Variants in GLUD1 observed in about 807,000 individuals in gnomAD.
GLUD1 encodes the protein glutamate dehydrogenase 1, mitochondrial.
A neutral mutation model predicts 56.0 loss-of-function variants in GLUD1; 22 were observed. The observed-to-expected ratio is 0.39, with a 90% CI of 0.28 to 0.56. The LOEUF (loss-of-function observed/expected upper bound fraction) is 0.56. Among genes scored for constraint, GLUD1 ranks in the 20% least tolerant of loss-of-function variants. GLUD1 has a pLI of 0.58. For missense variants in GLUD1, 451 were observed against 732.0 expected (o/e 0.62, Z 4.43); for synonymous variants, 223 against 269.9 (o/e 0.83, Z 1.70).
At chr10:87,062,050 G>A (rs1420129842) in intron 6 of GLUD1, among the ~76,000 whole-genome samples, 1 of 152,162 alleles carries the variant, frequency 6.6e-6, no homozygotes, top group Admixed American at 6.5e-5. Flanking sequence ...CCAAAGTGAT[G>A]GGATTACAGG....
chr10:87,065,389 G>A (rs1055406318), intron 5 of GLUD1, among the ~76,000 whole-genome samples: 3 of 151,866 alleles, frequency 2.0e-5, no homozygotes, highest in African/African-American at 7.3e-5. Context: ...TTACAGGCGT[G>A]AGCCACTATG....
chr10:87,060,573 G>A (rs909310506), intron 8 of GLUD1, 115 bp downstream of exon 8: 4 of 1,233,816 alleles, frequency 3.2e-6, no homozygotes, highest in Non-Finnish European at 4.8e-6. Context: ...GGTATGTGCA[G>A]TATGTGCCAA....
intron 1 of GLUD1, among the ~76,000 whole-genome samples, chr10:87,077,001 G>A (rs148426787): frequency 1.7e-3 from 250 of 151,268 alleles, no homozygotes; most frequent in Non-Finnish European, 3.0e-3. Context: ...AAGAATTCAG[G>A]TTGCTTTTTT....
chr10:87,086,099 C>T (rs1841374709), intron 1 of GLUD1, among the ~76,000 whole-genome samples: 1 of 152,148 alleles, frequency 6.6e-6, no homozygotes, highest in Non-Finnish European at 1.5e-5. Flanking sequence ...TGAGATGGGT[C>T]TTAAGAGAGG....
At chr10:87,064,004 G>C (rs570485811) in intron 5 of GLUD1, among the ~76,000 whole-genome samples, 7 of 151,902 alleles carry the variant, frequency 4.6e-5, no homozygotes, top group Admixed American at 1.3e-4. Context: ...TCAGCCTCCC[G>C]ATAGCTGGGA....
intron 11 of GLUD1, among the ~76,000 whole-genome samples, chr10:87,055,591 A>C (rs932413684): frequency 2.0e-5 from 3 of 152,134 alleles, no homozygotes; most frequent in African/African-American, 7.2e-5. Context: ...AGACTTTCAG[A>C]GAGAGCCACA....
At chr10:87,063,586 C>T (rs181067810) in intron 5 of GLUD1, among the ~76,000 whole-genome samples, 18 of 152,248 alleles carry the variant, frequency 1.2e-4, no homozygotes, top group Non-Finnish European at 2.4e-4. Context: ...AAAACAGAGC[C>T]TGAGACAGGA....
rs1845602548 is a variant in GLUD1 at position 87,050,439 on chromosome 10, T to C, written c.*1312A>G. The stretch of plus-strand genomic sequence containing the variant: ...AATCCAATTGCAGTATTATAACTTA[T>C]GAAAAGAGAAACTACCACATGTAAA... On this transcript the variant is annotated 3_prime_UTR_variant, in exon 13 of 13. Coordinates refer to ENST00000277865, the MANE Select transcript of GLUD1 (RefSeq NM_005271.5). The C allele has an allele frequency of 6.6e-6, 1 of 151,958 alleles. No individual in the cohort carries two copies. The highest frequency in any genetic ancestry group is 2.4e-5 in the African/African-American group (1 of 41,370). The allele number at this position is 151,958 out of a possible 1,614,324, so 9.4% of individuals were successfully genotyped here. A position where few individuals can be genotyped will look rare whatever the true frequency, so the allele number is the denominator to read the frequency against.
At chr10:87,058,148 G>A (rs769059165) in intron 10 of GLUD1, among the ~76,000 whole-genome samples, 1 of 152,178 alleles carries the variant, frequency 6.6e-6, no homozygotes, top group Non-Finnish European at 1.5e-5. Context: ...GATTACAGGC[G>A]TGAGCCACTG....
chr10:87,057,802 G>C lies in GLUD1; in HGVS notation c.1403-20C>G. 1 of 1,051,748 alleles carries C rather than the reference G, an allele frequency of 9.5e-7. No individual in the cohort carries two copies. Among genetic ancestry groups the C allele is most frequent in the South Asian group, 1.3e-5 (1 of 75,350 alleles). The allele number at this position is 1,051,748 out of a possible 1,614,324, so 65.2% of individuals were successfully genotyped here. A position where few individuals can be genotyped will look rare whatever the true frequency, so the allele number is the denominator to read the frequency against. ...CAGACACTACAAAAAAATAACAAGAGATCAAGATATTGCTAACAGAAAAAA... is the reference window on the plus strand; with the variant it reads ...CAGACACTACAAAAAAATAACAAGACATCAAGATATTGCTAACAGAAAAAA... On this transcript the variant is annotated intron_variant, in intron 10 of 12. Transcript: ENST00000277865.
intron 1 of GLUD1, among the ~76,000 whole-genome samples, chr10:87,076,919 C>T (rs1846411334): frequency 6.6e-6 from 1 of 152,056 alleles, no homozygotes; most frequent in Non-Finnish European, 1.5e-5. Flanking sequence ...CAATGAATTT[C>T]TGTACACTTT....
intron 5 of GLUD1, among the ~76,000 whole-genome samples, chr10:87,064,369 G>A (rs1243198385): frequency 6.6e-6 from 1 of 152,098 alleles, no homozygotes; most frequent in Non-Finnish European, 1.5e-5. Context: ...TAAACTCATC[G>A]GTGGAGCAGG....
At chr10:87,055,301 TAAG>T (rs1845741113) in intron 11 of GLUD1, among the ~76,000 whole-genome samples, 1 of 151,300 alleles carries the variant, frequency 6.6e-6, no homozygotes. Flanking sequence ...TTAAGTTAGA[TAAG>T]GAGGGAAGTG....
rs968191574 is a variant in GLUD1 at position 87,062,305 on chromosome 10, G to T, written c.921+351C>A. On this transcript the variant is annotated intron_variant, in intron 6 of 12. Coordinates refer to ENST00000277865, the MANE Select transcript of GLUD1 (RefSeq NM_005271.5). ...ACACATGAAACAAATTTGGGTCAGT[G>T]TGTAAACCTTTCTATATACTTACAA... Among the ~76,000 whole-genome samples the T allele has an allele frequency of 3.8e-4, 58 of 152,350 alleles. 1 individual carries two copies. Among genetic ancestry groups the T allele is most frequent in the African/African-American group, 1.2e-3 (48 of 41,588 alleles).
chr10:87,065,529 G>C (rs1243602342), intron 5 of GLUD1, among the ~76,000 whole-genome samples: 1 of 152,100 alleles, frequency 6.6e-6, no homozygotes, highest in African/African-American at 2.4e-5. Context: ...ACGGCCCCTT[G>C]AACTATACTG....
Position 87,051,664 on chromosome 10 carries a change from G to C in GLUD1, c.*87C>G. ...CATTATTAATGAGTCAGGAGAGAAA[G>C]GGATTTCTGTGGTTACATGTAAACT... On this transcript the variant is annotated 3_prime_UTR_variant, in exon 13 of 13. Coordinates refer to ENST00000277865, the MANE Select transcript of GLUD1 (RefSeq NM_005271.5). 1 of 1,409,042 alleles carries C rather than the reference G, an allele frequency of 7.1e-7. No homozygotes were observed. The highest frequency in any genetic ancestry group is 1.2e-5 in the South Asian group (1 of 86,862). 87.3% of individuals were successfully genotyped at this position (1,409,042 alleles called of 1,614,324 possible). A position where few individuals can be genotyped will look rare whatever the true frequency, so the allele number is the denominator to read the frequency against.
At chr10:87,080,467 T>G (rs11202321) in intron 1 of GLUD1, among the ~76,000 whole-genome samples, 36,799 of 135,212 alleles carry the variant, frequency 0.27, 4,778 homozygotes, top group Middle Eastern at 0.38. Flanking sequence ...GTCTCTGCCC[T>G]GCCGCCATCC....
rs191372907 is a variant in GLUD1 at position 87,050,825 on chromosome 10, G to A, written c.*926C>T. ...GCCAGACTCCAAACAGGGAGCCCAA[G>A]TGGTTTTTTTCTGGGACACTCTACT... On this transcript the variant is annotated 3_prime_UTR_variant, in exon 13 of 13. Coordinates refer to ENST00000277865, the MANE Select transcript of GLUD1 (RefSeq NM_005271.5). 6.6e-6 allele frequency: 1 copy of A among 152,304 alleles called. No homozygotes were observed. The highest frequency in any genetic ancestry group is 1.9e-4 in the East Asian group (1 of 5,186). The allele number at this position is 152,304 out of a possible 1,614,324, so 9.4% of individuals were successfully genotyped here.
In GLUD1 at chr10:87,062,644, T is replaced by C; in HGVS notation, c.921+12A>G. 1.9e-6 allele frequency: 3 copies of C among 1,609,038 alleles called. No homozygotes were observed. Among genetic ancestry groups the C allele is most frequent in the Non-Finnish European group, 2.6e-6 (3 of 1,175,824 alleles). On this transcript the variant is annotated intron_variant, in intron 6 of 12. Transcript: ENST00000277865. ...CAGTTATTAAGGAAACTTTTTTTGT[T>C]TTTGTTTTTACCTGAACAACAAATG...
Sources: allele counts gnomAD v4.1 joint callset (sites outside exome capture counted in the v4.1 genomes callset), GRCh38; gene constraint gnomAD v4.1.1; transcripts MANE v1.5; gene names NCBI Gene and HGNC (gene_info 2026-07-23, HGNC 2026-07-21).